Variants in TMCO4 observed in about 807,000 individuals in gnomAD.
TMCO4 encodes the protein transmembrane and coiled-coil domains 4.
In TMCO4, 58 loss-of-function variants were observed where a neutral mutation model predicts 64.7. The ratio of observed to expected loss-of-function variants is 0.90; its 90% CI spans 0.73 to 1.12. TMCO4 has a LOEUF of 1.12. TMCO4 is among the 50% of genes most tolerant of loss of function. TMCO4 has a pLI of 0.00. For missense variants in TMCO4, 780 were observed against 825.9 expected, an observed-to-expected ratio of 0.94 and a Z score of 0.68; for synonymous variants, 325 against 346.1, an observed-to-expected ratio of 0.94 and a Z score of 0.68.
intron 6 of TMCO4, among the ~76,000 whole-genome samples, chr1:19,756,210 C>T (rs2042249610): frequency 2.0e-5 from 3 of 152,162 alleles, no homozygotes; most frequent in Admixed American, 6.5e-5. Flanking sequence ...GATCATGTCA[C>T]TGCACTCTAG....
At chr1:19,756,836 A>G (rs1275257974) in intron 6 of TMCO4, among the ~76,000 whole-genome samples, 1 of 152,206 alleles carries the variant, frequency 6.6e-6, no homozygotes, top group Non-Finnish European at 1.5e-5. Context: ...AGTAATTGAA[A>G]AAAAGGAATA....
intron 13 of TMCO4, among the ~76,000 whole-genome samples, chr1:19,731,721 T>C (rs1173348949): frequency 3.9e-5 from 6 of 152,206 alleles, no homozygotes; most frequent in Admixed American, 2.6e-4. Flanking sequence ...TTTGTTCTGC[T>C]TTGTGCTTTC....
At position 19,682,884 on chromosome 1, in the gene TMCO4, C is replaced by T; in HGVS notation, c.*156G>A. On this transcript the variant is annotated 3_prime_UTR_variant, in exon 16 of 16. Coordinates refer to ENST00000294543, the MANE Select transcript of TMCO4 (RefSeq NM_181719.7). ...GTGTTCTCTCCTCCAAATTCCCCTT[C>T]CTTCCATTTCCTTTCCCTTTCAGTT... is the stretch of plus-strand genomic sequence containing the variant. The T allele has an allele frequency of 9.0e-7, 1 of 1,110,008 alleles. No individual in the cohort carries two copies. The highest frequency in any genetic ancestry group is 1.5e-5 in the South Asian group (1 of 66,204). The allele number at this position is 1,110,008 out of a possible 1,614,324, so 68.8% of individuals were successfully genotyped here.
chr1:19,740,925 C>A lies in TMCO4; in HGVS notation c.894G>T (p.Pro298=). The A allele has an allele frequency of 6.2e-7, 1 of 1,611,312 alleles. No individual in the cohort carries two copies. The highest frequency in any genetic ancestry group is 8.5e-7 in the Non-Finnish European group (1 of 1,178,824). The change falls in exon 11 of 16, where the codon CCG becomes CCT. Residue 298 remains proline, a synonymous_variant. Coordinates refer to ENST00000294543, the MANE Select transcript of TMCO4 (RefSeq NM_181719.7). ...CACGGCTGTGGGCCAGGGCAGCCCA[C>A]GGGGCACTGAAGGTGCCTGGGGAGA... ...ASGKYRTFSA[P]WAALAHSREQ...
chr1:19,725,381 A>G (rs1414826596), intron 13 of TMCO4, among the ~76,000 whole-genome samples: 1 of 152,220 alleles, frequency 6.6e-6, no homozygotes, highest in Non-Finnish European at 1.5e-5. Context: ...TGAAGCAGCA[A>G]TTGATTTCCT....
At chr1:19,688,306 C>T (rs1211601232) in intron 15 of TMCO4, among the ~76,000 whole-genome samples, 2 of 152,126 alleles carry the variant, frequency 1.3e-5, no homozygotes, top group Non-Finnish European at 2.9e-5. Context: ...CCCCGCACAT[C>T]GTGGGGTTTC....
intron 13 of TMCO4, among the ~76,000 whole-genome samples, chr1:19,704,520 G>C (rs2095292319): frequency 6.6e-6 from 1 of 152,178 alleles, no homozygotes; most frequent in Non-Finnish European, 1.5e-5. Flanking sequence ...CAATAACAAC[G>C]TGCACAGTGA....
At chr1:19,687,918 C>T (rs567172895) in intron 15 of TMCO4, among the ~76,000 whole-genome samples, 1 of 152,156 alleles carries the variant, frequency 6.6e-6, no homozygotes, top group Non-Finnish European at 1.5e-5. Context: ...TGCAAAGACC[C>T]AGGGGAGCAG....
chr1:19,705,887 C>T (rs1009420555), intron 13 of TMCO4, among the ~76,000 whole-genome samples: 2 of 152,080 alleles, frequency 1.3e-5, no homozygotes, highest in African/African-American at 2.4e-5. Flanking sequence ...AATCCTCACT[C>T]GGGTACCACT....
At chr1:19,707,010 T>C (rs1192114598) in intron 13 of TMCO4, among the ~76,000 whole-genome samples, 2 of 152,206 alleles carry the variant, frequency 1.3e-5, no homozygotes, top group Non-Finnish European at 2.9e-5. Context: ...TGCAGTGAAG[T>C]CAGATCATGT....
intron 10 of TMCO4, among the ~76,000 whole-genome samples, chr1:19,742,365 T>C (rs184829808): frequency 1.4e-4 from 22 of 152,248 alleles, no homozygotes; most frequent in Admixed American, 1.1e-3. Context: ...TTAAACACCA[T>C]GTGGGAATGG....
chr1:19,774,409 T>A (rs1389442995), intron 4 of TMCO4, among the ~76,000 whole-genome samples: 1 of 152,204 alleles, frequency 6.6e-6, no homozygotes, highest in African/African-American at 2.4e-5. Context: ...TTTCCTTATC[T>A]GTAAAACAGT....
intron 10 of TMCO4, among the ~76,000 whole-genome samples, chr1:19,742,907 G>A (rs912746925): frequency 3.9e-5 from 6 of 152,090 alleles, no homozygotes; most frequent in Non-Finnish European, 7.4e-5. Context: ...AAAACTAGCC[G>A]GGCGTGGTGG....
At chr1:19,772,464 G>C (rs561855118) in intron 4 of TMCO4, among the ~76,000 whole-genome samples, 1 of 152,306 alleles carries the variant, frequency 6.6e-6, no homozygotes, top group East Asian at 1.9e-4. Context: ...CGCTCTAGGG[G>C]AGAAGGAAGC....
chr1:19,714,623 C>T (rs2095346949), intron 13 of TMCO4, among the ~76,000 whole-genome samples: 1 of 152,106 alleles, frequency 6.6e-6, no homozygotes, highest in African/African-American at 2.4e-5. Flanking sequence ...GCAGTTTTCT[C>T]TTTTAAAAAA....
intron 12 of TMCO4, 96 bp from the exon 13 acceptor site, chr1:19,737,552 A>T (rs2100828791): frequency 9.4e-7 from 1 of 1,063,170 alleles, no homozygotes; most frequent in East Asian, 2.5e-5. Context: ...ATTCCTTACC[A>T]CCTGATTCTC....
intron 15 of TMCO4, among the ~76,000 whole-genome samples, chr1:19,684,730 G>C (rs1313916027): frequency 1.3e-5 from 2 of 152,200 alleles, no homozygotes; most frequent in Non-Finnish European, 2.9e-5. Flanking sequence ...CTTGCAGCTA[G>C]GAATAGCACT....
chr1:19,725,863 C>T lies in TMCO4; in HGVS notation c.1264+11509G>A, dbSNP rs532116132. Among the ~76,000 whole-genome samples the T allele has an allele frequency of 1.1e-4, 17 of 152,306 alleles. No homozygotes were observed. The South Asian group carries it at 2.5e-3, about 22-fold the overall frequency. ...CTGGAATGGAGCGGGCCGAGCACAGCGTGGTCACTGGGAAGTCTGGGCAAT... is the reference window on the plus strand; with the variant it reads ...CTGGAATGGAGCGGGCCGAGCACAGTGTGGTCACTGGGAAGTCTGGGCAAT... On this transcript the variant is annotated intron_variant, in intron 13 of 15. Transcript: ENST00000294543.
At chr1:19,790,462 GA>G (rs1196551976) in intron 2 of TMCO4, among the ~76,000 whole-genome samples, 2 of 151,334 alleles carry the variant, frequency 1.3e-5, no homozygotes, top group Non-Finnish European at 2.9e-5. Flanking sequence ...AAATTTACAA[GA>G]AAAAAACAAA....
Sources: allele counts gnomAD v4.1 joint callset (sites outside exome capture counted in the v4.1 genomes callset), GRCh38; gene constraint gnomAD v4.1.1; transcripts MANE v1.5; gene names NCBI Gene and HGNC (gene_info 2026-07-23, HGNC 2026-07-21).